The following SLC2A14 variants were observed in gnomAD, a reference collection of about 807,000 sequenced individuals.
SLC2A14 encodes solute carrier family 2, facilitated glucose transporter member 14.
A neutral mutation model predicts 43.0 loss-of-function variants in SLC2A14; 13 were observed. That is an observed-to-expected ratio of 0.30 (90% confidence interval 0.20 to 0.48). The LOEUF is 0.48. Ranked by LOEUF, SLC2A14 falls within the 20% of genes least tolerant of loss-of-function variation. SLC2A14 has a pLI of 0.99. For synonymous variants in SLC2A14, 190 were observed against 233.8 expected, an observed-to-expected ratio of 0.81 and a Z score of 1.71; for missense variants, 428 against 620.4, an observed-to-expected ratio of 0.69 and a Z score of 3.29.
upstream of SLC2A14, among the ~76,000 whole-genome samples, chr12:7,875,099 A>AAT (rs1235498775): frequency 0.06 from 902 of 14,930 alleles, 24 homozygotes; most frequent in African/African-American, 0.15. Context: ...TTTAAATTTA[A>AAT]ATATTTAAAT....
At chr12:7,889,467 C>G (rs759611729) in intron 1 of SLC2A14, among the ~76,000 whole-genome samples, 10 of 151,410 alleles carry the variant, frequency 6.6e-5, no homozygotes, top group South Asian at 2.1e-4. Context: ...CTCCTGACCT[C>G]AGGTGATACA....
At chr12:7,837,280 A>G (rs1457904625) in intron 2 of SLC2A14, among the ~76,000 whole-genome samples, 2 of 152,194 alleles carry the variant, frequency 1.3e-5, no homozygotes, top group African/African-American at 4.8e-5. Flanking sequence ...TTATTTGTCA[A>G]TTATACTTCA....
At chr12:7,860,921 T>A (rs112540379) in intron 2 of SLC2A14, among the ~76,000 whole-genome samples, 2,237 of 151,900 alleles carry the variant, frequency 0.015, 45 homozygotes, top group South Asian at 0.028. Context: ...GCCTCCCGAG[T>A]AGCTAGGATT....
chr12:7,822,708 G>A (rs1864032036), intron 7 of SLC2A14, among the ~76,000 whole-genome samples: 1 of 151,830 alleles, frequency 6.6e-6, no homozygotes, highest in African/African-American at 2.4e-5. Context: ...CTACTAACTG[G>A]TTTCTTTTTT....
At chr12:7,888,809 A>G (rs796101607) in intron 1 of SLC2A14, among the ~76,000 whole-genome samples, 6 of 147,630 alleles carry the variant, frequency 4.1e-5, no homozygotes, top group African/African-American at 1.5e-4. Flanking sequence ...AAAAAAAAAA[A>G]AAAAAAGAAA....
chr12:7,869,249 T>C (rs764082361), intron 2 of SLC2A14, among the ~76,000 whole-genome samples: 4 of 152,050 alleles, frequency 2.6e-5, no homozygotes, highest in Non-Finnish European at 5.9e-5. Flanking sequence ...GCATTCAAGA[T>C]GCGGGTAAGT....
chr12:7,872,875 G>T lies in SLC2A14; in HGVS notation c.-126C>A, dbSNP rs911294676. On this transcript the variant is annotated 5_prime_UTR_variant, in exon 1 of 11. Transcript: ENST00000431042. ...AACCACGCACCTCCCGGGCCGCTGCGCCCCCGCCGGCCCCGCCTGCAGCCG... is the reference window on the plus strand; with the variant it reads ...AACCACGCACCTCCCGGGCCGCTGCTCCCCCGCCGGCCCCGCCTGCAGCCG... 1 of 985,364 alleles carries T rather than the reference G, an allele frequency of 1.0e-6. No individual in the cohort carries two copies. The highest frequency in any genetic ancestry group is 1.7e-5 in the African/African-American group (1 of 57,226). The allele number at this position is 985,364 out of a possible 1,614,324, so 61.0% of individuals were successfully genotyped here.
chr12:7,816,681 T>G (rs189232998), intron 10 of SLC2A14, among the ~76,000 whole-genome samples: 1 of 151,698 alleles, frequency 6.6e-6, no homozygotes, highest in Non-Finnish European at 1.5e-5. Context: ...CTGGCCAACA[T>G]AGCAAGCCCC....
At chr12:7,862,472 CCT>C (rs1944628045) in intron 2 of SLC2A14, among the ~76,000 whole-genome samples, 1 of 152,108 alleles carries the variant, frequency 6.6e-6, no homozygotes. Flanking sequence ...CTTCCCACCC[CCT>C]CTGTGGCCTC....
At chr12:7,833,795 A>AAAAG (rs1555126643) in intron 2 of SLC2A14, among the ~76,000 whole-genome samples, 2 of 145,380 alleles carry the variant, frequency 1.4e-5, no homozygotes, top group Non-Finnish European at 1.5e-5. Flanking sequence ...AAAAAAAAAA[A>AAAAG]AGAGAGAGAG....
Position 7,828,879 on chromosome 12 carries a change from C to G in SLC2A14, c.514-13G>C. ...CCAGACCAAAGATCTAGAAACCACA[C>G]AAAGATAATGCTATAAACCCCATAC... On this transcript the variant is annotated splice_polypyrimidine_tract_variant and intron_variant, in intron 5 of 10. Coordinates refer to ENST00000431042, the MANE Select transcript of SLC2A14 (RefSeq NM_001286234.2). 2 of 1,612,354 alleles carry G rather than the reference C, an allele frequency of 1.2e-6. No individual in the cohort carries two copies. The highest frequency in any genetic ancestry group is 1.7e-6 in the Non-Finnish European group (2 of 1,179,188).
intron 2 of SLC2A14, among the ~76,000 whole-genome samples, chr12:7,860,106 C>A (rs1487700213): frequency 3.3e-5 from 5 of 152,076 alleles, no homozygotes. Context: ...CAGTTGGCCA[C>A]CAGGTGGCAG....
At chr12:7,840,890 C>T (rs1470620267) in intron 2 of SLC2A14, among the ~76,000 whole-genome samples, 3 of 152,156 alleles carry the variant, frequency 2.0e-5, no homozygotes, top group Non-Finnish European at 4.4e-5. Flanking sequence ...TTGCCATTTA[C>T]CTCAGTCAGG....
At chr12:7,861,472 CA>C (rs1247367941) in intron 2 of SLC2A14, among the ~76,000 whole-genome samples, 1 of 152,002 alleles carries the variant, frequency 6.6e-6, no homozygotes, top group East Asian at 1.9e-4. Context: ...TGGGAAAAAG[CA>C]GGTTTTCTAG....
At chr12:7,827,434 A>G (rs1864589680) in intron 7 of SLC2A14, 61 bp downstream of exon 7, 1 of 1,562,574 alleles carries the variant, frequency 6.4e-7, no homozygotes, top group South Asian at 1.2e-5. Context: ...CACCGCCACC[A>G]TGCCTGGCAT....
At chr12:7,890,194 C>G (rs765911673) in intron 1 of SLC2A14, among the ~76,000 whole-genome samples, 1 of 152,138 alleles carries the variant, frequency 6.6e-6, no homozygotes, top group South Asian at 2.1e-4. Flanking sequence ...AAGATGGAGT[C>G]GTTCTGGTTC....
At chr12:7,874,991 AT>A (rs1565585400), upstream of SLC2A14, among the ~76,000 whole-genome samples, 7 of 95,554 alleles carry the variant, frequency 7.3e-5, no homozygotes, top group Non-Finnish European at 9.3e-5. Context: ...TTATATATAA[AT>A]TATATATAAA....
At chr12:7,888,833 G>A (rs1408101535) in intron 1 of SLC2A14, among the ~76,000 whole-genome samples, 2 of 151,018 alleles carry the variant, frequency 1.3e-5, no homozygotes, top group Non-Finnish European at 2.9e-5. Flanking sequence ...GGAATATCAG[G>A]AGAATATAGA....
intron 2 of SLC2A14, among the ~76,000 whole-genome samples, chr12:7,847,236 G>A (rs2120904609): frequency 6.6e-6 from 1 of 152,082 alleles, no homozygotes; most frequent in Middle Eastern, 3.4e-3. Context: ...TGGGCACCAA[G>A]AGAGAAACTC....
Sources: allele counts gnomAD v4.1 joint callset (sites outside exome capture counted in the v4.1 genomes callset), GRCh38; gene constraint gnomAD v4.1.1; transcripts MANE v1.5; gene names NCBI Gene and HGNC (gene_info 2026-07-23, HGNC 2026-07-21).